The following ROBO2 variants were observed in gnomAD, a reference collection of about 807,000 sequenced individuals.
ROBO2 encodes the protein roundabout homolog 2.
Under a neutral mutation model 160.8 loss-of-function variants are expected in ROBO2, and 53 were observed. That is an observed-to-expected ratio of 0.33 (90% confidence interval 0.26 to 0.41). ROBO2 has a LOEUF of 0.41. ROBO2 is among the 10% of genes least tolerant of loss of function. The pLI is 1.00. For synonymous variants in ROBO2, 664 were observed against 611.7 expected, an observed-to-expected ratio of 1.09 and a Z score of -1.26; for missense variants, 1,577 against 1,722.4, an observed-to-expected ratio of 0.92 and a Z score of 1.49.
intron 2 of ROBO2, among the ~76,000 whole-genome samples, chr3:76,509,006 C>T (rs1443057346): frequency 6.6e-6 from 1 of 152,140 alleles, no homozygotes; most frequent in Non-Finnish European, 1.5e-5. Flanking sequence ...TCTACTATTT[C>T]TATTGAAGCC....
intron 2 of ROBO2, among the ~76,000 whole-genome samples, chr3:77,452,901 GT>G (rs2081265159): frequency 6.6e-6 from 1 of 152,072 alleles, no homozygotes; most frequent in Non-Finnish European, 1.5e-5. Context: ...GTTTTTTGCA[GT>G]TTTCACTTTT....
intron 2 of ROBO2, among the ~76,000 whole-genome samples, chr3:76,338,688 A>T (rs1319355184): frequency 6.6e-6 from 1 of 150,780 alleles, no homozygotes; most frequent in East Asian, 1.9e-4. Flanking sequence ...TCTTTTTTAA[A>T]AATTATATAT....
intron 2 of ROBO2, among the ~76,000 whole-genome samples, chr3:76,033,609 A>G (rs760503957): frequency 2.6e-5 from 4 of 152,212 alleles, no homozygotes; most frequent in Non-Finnish European, 4.4e-5. Context: ...TATGTAATAA[A>G]CCACCCCAAA....
intron 2 of ROBO2, among the ~76,000 whole-genome samples, chr3:77,325,045 G>A (rs1240436561): frequency 1.3e-5 from 2 of 151,928 alleles, no homozygotes; most frequent in African/African-American, 4.8e-5. Flanking sequence ...GATGTAAGGG[G>A]GCAGACATAG....
At chr3:76,515,238 C>T (rs2081292471) in intron 2 of ROBO2, among the ~76,000 whole-genome samples, 1 of 152,120 alleles carries the variant, frequency 6.6e-6, no homozygotes, top group Non-Finnish European at 1.5e-5. Context: ...ACCTTCTCGC[C>T]TTCTTCCTCC....
chr3:77,207,286 CTATT>C (rs142110171), intron 2 of ROBO2, among the ~76,000 whole-genome samples: 158 of 152,228 alleles, frequency 1.0e-3, no homozygotes, highest in African/African-American at 3.6e-3. Context: ...CTTTTTCTAT[CTATT>C]TTAGTTAGAA....
intron 2 of ROBO2, among the ~76,000 whole-genome samples, chr3:76,938,123 C>T (rs1306143359): frequency 6.6e-6 from 1 of 152,128 alleles, no homozygotes; most frequent in African/African-American, 2.4e-5. Flanking sequence ...CTTTGGCAGG[C>T]CGAGGCGGGC....
chr3:75,965,798 G>C (rs1032882062), intron 2 of ROBO2, among the ~76,000 whole-genome samples: 1 of 151,588 alleles, frequency 6.6e-6, no homozygotes, highest in African/African-American at 2.4e-5. Context: ...AGTTACACCA[G>C]TTTCAATTTC....
intron 2 of ROBO2, among the ~76,000 whole-genome samples, chr3:77,123,978 T>C (rs1002743307): frequency 1.3e-5 from 2 of 150,584 alleles, no homozygotes; most frequent in African/African-American, 4.9e-5. Flanking sequence ...TCTATCTATA[T>C]AGATATATAT....
At chr3:77,018,885 G>A (rs1462454389) in intron 2 of ROBO2, among the ~76,000 whole-genome samples, 2 of 152,130 alleles carry the variant, frequency 1.3e-5, no homozygotes, top group Non-Finnish European at 2.9e-5. Context: ...CAAATTACTA[G>A]GAGTAAGGGT....
intron 2 of ROBO2, among the ~76,000 whole-genome samples, chr3:76,566,144 G>A (rs1451605413): frequency 2.0e-5 from 3 of 152,196 alleles, no homozygotes; most frequent in African/African-American, 4.8e-5. Flanking sequence ...TTTCAGAACA[G>A]TAGATACTGT....
intron 5 of ROBO2, among the ~76,000 whole-genome samples, chr3:77,520,174 T>C (rs2090450964): frequency 6.6e-6 from 1 of 151,414 alleles, no homozygotes; most frequent in African/African-American, 2.4e-5. Flanking sequence ...TTGCTGAATA[T>C]GAAATTATTT....
At chr3:76,224,556 G>T (rs1266751508) in intron 2 of ROBO2, among the ~76,000 whole-genome samples, 1 of 152,260 alleles carries the variant, frequency 6.6e-6, no homozygotes, top group Non-Finnish European at 1.5e-5. Flanking sequence ...TGATTCAATT[G>T]ATAAGCTATT....
At chr3:76,730,972 C>T (rs910512700) in intron 2 of ROBO2, among the ~76,000 whole-genome samples, 8 of 77,546 alleles carry the variant, frequency 1.0e-4, no homozygotes, top group East Asian at 3.9e-4. Context: ...TCACCTCCTA[C>T]TCCCTACCCG....
intron 2 of ROBO2, among the ~76,000 whole-genome samples, chr3:76,565,605 T>C (rs928697390): frequency 6.6e-6 from 1 of 152,214 alleles, no homozygotes; most frequent in Non-Finnish European, 1.5e-5. Flanking sequence ...TTTTCATGTA[T>C]TGTAAACTGA....
chr3:76,344,220 A>G (rs936438996), intron 2 of ROBO2, among the ~76,000 whole-genome samples: 4 of 152,170 alleles, frequency 2.6e-5, no homozygotes, highest in Non-Finnish European at 5.9e-5. Flanking sequence ...TGATAGACTG[A>G]TAGCCTGGAT....
chr3:76,942,407 G>T (rs2078249179), intron 2 of ROBO2, among the ~76,000 whole-genome samples: 1 of 152,124 alleles, frequency 6.6e-6, no homozygotes, highest in African/African-American at 2.4e-5. Context: ...CCATAGACCT[G>T]GTTTTCTCTT....
chr3:76,522,120 CA>C (rs981410228), intron 2 of ROBO2, among the ~76,000 whole-genome samples: 1 of 151,878 alleles, frequency 6.6e-6, no homozygotes, highest in African/African-American at 2.4e-5. Flanking sequence ...GGGCGGTATG[CA>C]AAAAAATGTT....
intron 2 of ROBO2, among the ~76,000 whole-genome samples, chr3:76,056,872 G>A (rs1221480986): frequency 2.0e-5 from 3 of 152,152 alleles, no homozygotes; most frequent in South Asian, 2.1e-4. Flanking sequence ...GCAATTTTTG[G>A]ACATATGTTA....
Sources: gnomAD v4.1 joint callset for allele counts (sites outside exome capture counted in the v4.1 genomes callset) on GRCh38, gnomAD v4.1.1 for gene constraint, MANE v1.5 for transcripts, NCBI Gene and HGNC (gene_info 2026-07-23, HGNC 2026-07-21) for gene names.